The following DTNB variants were observed in gnomAD, a reference collection of about 807,000 sequenced individuals.
DTNB encodes dystrobrevin beta.
In DTNB, 63 loss-of-function variants were observed where a neutral mutation model predicts 90.7. The observed-to-expected ratio is 0.69, with a 90% CI of 0.57 to 0.86. The LOEUF is 0.86. Among genes scored for constraint, DTNB ranks in the 40% least tolerant of loss-of-function variants. DTNB has a pLI of 0.00. For synonymous variants in DTNB, 277 were observed against 286.7 expected (o/e 0.97, Z 0.34); for missense variants, 744 against 807.1 (o/e 0.92, Z 0.95).
At chr2:25,392,249 A>G (rs923366079) in intron 16 of DTNB, among the ~76,000 whole-genome samples, 4 of 152,092 alleles carry the variant, frequency 2.6e-5, no homozygotes, top group African/African-American at 2.4e-5. Context: ...TCTCCACTGA[A>G]AAAAACAAAA....
At chr2:25,645,932 A>G (rs937271117) in intron 2 of DTNB, among the ~76,000 whole-genome samples, 2 of 152,212 alleles carry the variant, frequency 1.3e-5, no homozygotes, top group African/African-American at 4.8e-5. Flanking sequence ...ATGGGATGGA[A>G]GGAAGAAAGC....
intron 6 of DTNB, among the ~76,000 whole-genome samples, chr2:25,581,889 G>A (rs376306315): frequency 6.6e-5 from 10 of 152,324 alleles, no homozygotes; most frequent in African/African-American, 2.2e-4. Context: ...CACTCAGGAG[G>A]TGCATGGCCG....
At chr2:25,415,710 A>C (rs772552864) in intron 16 of DTNB, among the ~76,000 whole-genome samples, 6 of 152,106 alleles carry the variant, frequency 3.9e-5, no homozygotes, top group Admixed American at 6.5e-5. Flanking sequence ...TACATAATGG[A>C]ACCCCCATAA....
At chr2:25,539,328 G>A (rs533242547) in intron 8 of DTNB, among the ~76,000 whole-genome samples, 14 of 152,270 alleles carry the variant, frequency 9.2e-5, no homozygotes, top group Admixed American at 6.5e-4. Context: ...TTTACAAAGT[G>A]GTAACATTAA....
chr2:25,598,853 A>G (rs750950274), intron 5 of DTNB: 12 of 152,152 alleles, frequency 7.9e-5, no homozygotes, highest in Non-Finnish European at 1.5e-4. Context: ...ACAACAGCCA[A>G]TTTATAGTGA....
chr2:25,653,659 G>A (rs867021167), intron 1 of DTNB, among the ~76,000 whole-genome samples: 2 of 151,586 alleles, frequency 1.3e-5, no homozygotes, highest in Middle Eastern at 3.4e-3. Context: ...TTACAGGCAC[G>A]CACCACCACG....
intron 6 of DTNB, among the ~76,000 whole-genome samples, chr2:25,586,779 A>G (rs2062519514): frequency 6.6e-6 from 1 of 152,206 alleles, no homozygotes; most frequent in Non-Finnish European, 1.5e-5. Context: ...AGAGACAGAA[A>G]GTCAGGGGTT....
At chr2:25,626,103 T>C (rs746527132) in intron 4 of DTNB, among the ~76,000 whole-genome samples, 4 of 152,214 alleles carry the variant, frequency 2.6e-5, no homozygotes, top group Non-Finnish European at 5.9e-5. Flanking sequence ...TGGCATTTTG[T>C]TAGAGCAGCC....
chr2:25,647,036 A>G (rs1411477171), intron 2 of DTNB, among the ~76,000 whole-genome samples: 1 of 152,254 alleles, frequency 6.6e-6, no homozygotes, highest in Non-Finnish European at 1.5e-5. Context: ...TACTTACAAG[A>G]GACAAAAACA....
intron 5 of DTNB, among the ~76,000 whole-genome samples, chr2:25,603,194 C>A (rs901744556): frequency 2.0e-5 from 3 of 152,042 alleles, no homozygotes; most frequent in Admixed American, 6.5e-5. Flanking sequence ...TCTTCGAAAA[C>A]AAATAGCAGA....
chr2:25,583,031 C>A (rs551919961), intron 6 of DTNB, among the ~76,000 whole-genome samples: 1 of 151,910 alleles, frequency 6.6e-6, no homozygotes, highest in Non-Finnish European at 1.5e-5. Flanking sequence ...GAGGCCAAGG[C>A]GGGCAGATGG....
In DTNB at chr2:25,527,067, G is replaced by C. The variant is rs113826010; in HGVS notation, c.1001+4406C>G. 3.4e-3 allele frequency among the ~76,000 whole-genome samples: 517 copies of C among 151,978 alleles called. 2 individuals carry two copies. The highest frequency in any genetic ancestry group is 0.012 in the African/African-American group (490 of 41,456). ...CAAAGAAGAATCCTAACATAACTTG[G>C]GAAATATTTAGAAGTAAACAACAAA... On this transcript the variant is annotated intron_variant, in intron 9 of 20. Coordinates refer to ENST00000406818, the MANE Select transcript of DTNB (RefSeq NM_021907.5).
chr2:25,502,880 T>TACA (rs2071124866), intron 9 of DTNB, among the ~76,000 whole-genome samples: 2 of 79,502 alleles, frequency 2.5e-5, no homozygotes, highest in Non-Finnish European at 4.8e-5. Context: ...AGCAACTGTC[T>TACA]AAAAAAAAAA....
intron 5 of DTNB, among the ~76,000 whole-genome samples, chr2:25,601,051 G>C (rs918508894): frequency 6.6e-6 from 1 of 151,972 alleles, no homozygotes; most frequent in African/African-American, 2.4e-5. Context: ...TTGTGAATAG[G>C]CTTTTATCTC....
intron 4 of DTNB, among the ~76,000 whole-genome samples, chr2:25,609,696 A>G (rs967746037): frequency 1.3e-5 from 2 of 151,174 alleles, no homozygotes; most frequent in African/African-American, 4.9e-5. Flanking sequence ...ACACACACAC[A>G]CACACACACA....
At position 25,405,279 on chromosome 2, in the gene DTNB, G is replaced by A. The variant is rs143363920; in HGVS notation, c.1575+14236C>T. 9.2e-3 allele frequency among the ~76,000 whole-genome samples: 1,404 copies of A among 152,216 alleles called. 13 individuals are homozygous for A. The highest frequency in any genetic ancestry group is 0.014 in the Middle Eastern group (4 of 294). ...GTTCTGGCGGGGTGTGGTGGCTCAC[G>A]CCTGTAATTCTGGCACTTTGGGAGG... On this transcript the variant is annotated intron_variant, in intron 16 of 20. Coordinates refer to ENST00000406818, the MANE Select transcript of DTNB (RefSeq NM_021907.5).
intron 8 of DTNB, among the ~76,000 whole-genome samples, chr2:25,555,068 G>A (rs1216117434): frequency 1.3e-5 from 2 of 151,852 alleles, no homozygotes; most frequent in African/African-American, 4.8e-5. Context: ...AGGCCGAGGT[G>A]GGCGGATCAC....
chr2:25,531,711 C>A (rs1419973613), intron 8 of DTNB, 114 bp from the exon 9 acceptor site: 6 of 1,386,628 alleles, frequency 4.3e-6, no homozygotes. Context: ...AAATACAAAT[C>A]AAGTTTCATT....
At chr2:25,631,603 TAAAG>T (rs1197519439) in intron 3 of DTNB, among the ~76,000 whole-genome samples, 6 of 146,096 alleles carry the variant, frequency 4.1e-5, no homozygotes, top group Non-Finnish European at 7.5e-5. Flanking sequence ...AAAAAGAAAA[TAAAG>T]AAAGATACAG....
Sources: allele counts gnomAD v4.1 joint callset (sites outside exome capture counted in the v4.1 genomes callset), GRCh38; gene constraint gnomAD v4.1.1; transcripts MANE v1.5; gene names NCBI Gene and HGNC (gene_info 2026-07-23, HGNC 2026-07-21).